EGFR: variants seen among roughly 807,000 people sequenced by gnomAD.
EGFR encodes the protein epidermal growth factor receptor.
A neutral mutation model predicts 143.0 loss-of-function variants in EGFR; 58 were observed. The ratio of observed to expected loss-of-function variants is 0.41; its 90% confidence interval spans 0.33 to 0.50. EGFR has a LOEUF of 0.50. Among genes scored for constraint, EGFR ranks in the 20% least tolerant of loss-of-function variants. EGFR has a pLI of 0.39. For synonymous variants in EGFR, 613 were observed against 594.4 expected (o/e 1.03, Z -0.45); for missense variants, 1,307 against 1,579.0 (o/e 0.83, Z 2.92).
chr7:55,198,595 G>A, intron 22 of EGFR, 122 bp from the exon 23 acceptor site: 1 of 1,493,440 alleles, frequency 6.7e-7, no homozygotes, highest in East Asian at 2.3e-5. Flanking sequence ...AATTGCCCAA[G>A]ACTACAGAAA....
At chr7:55,063,454 AT>A (rs1255682848) in intron 1 of EGFR, among the ~76,000 whole-genome samples, 3 of 152,228 alleles carry the variant, frequency 2.0e-5, no homozygotes, top group Non-Finnish European at 4.4e-5. Context: ...TGTGTTTAAG[AT>A]TAAAAGACCA....
intron 1 of EGFR, among the ~76,000 whole-genome samples, chr7:55,032,818 G>A (rs1397883449): frequency 1.3e-5 from 2 of 152,174 alleles, no homozygotes; most frequent in Admixed American, 6.5e-5. Context: ...TGGAGAAAAT[G>A]TTCAGGAGTT....
chr7:55,052,575 C>T (rs1788550225), intron 1 of EGFR, among the ~76,000 whole-genome samples: 1 of 152,174 alleles, frequency 6.6e-6, no homozygotes, highest in Admixed American at 6.5e-5. Context: ...GCTGCCCTTC[C>T]CAGAAGCCTC....
chr7:55,131,940 A>G (rs1248330596), intron 1 of EGFR, among the ~76,000 whole-genome samples: 10 of 118,890 alleles, frequency 8.4e-5, no homozygotes, highest in African/African-American at 2.1e-4. Context: ...TTGCTTTCAG[A>G]AAAAAAAAAA....
At chr7:55,166,006 C>A (rs1785959831) in intron 15 of EGFR, among the ~76,000 whole-genome samples, 1 of 152,008 alleles carries the variant, frequency 6.6e-6, no homozygotes, top group Non-Finnish European at 1.5e-5. Flanking sequence ...GGTGAAACCC[C>A]ACCTCTACTA....
chr7:55,100,197 C>T (rs1383858330), intron 1 of EGFR, among the ~76,000 whole-genome samples: 5 of 152,204 alleles, frequency 3.3e-5, no homozygotes, highest in African/African-American at 1.2e-4. Context: ...ATGGGCAGAG[C>T]TGGGAGCTCT....
chr7:55,051,797 A>C (rs1788507178), intron 1 of EGFR, among the ~76,000 whole-genome samples: 1 of 152,176 alleles, frequency 6.6e-6, no homozygotes, highest in Non-Finnish European at 1.5e-5. Flanking sequence ...ACTGGCTCAC[A>C]CAGACGCTGA....
chr7:55,057,162 A>C (rs2128877143), intron 1 of EGFR, among the ~76,000 whole-genome samples: 1 of 152,368 alleles, frequency 6.6e-6, no homozygotes, highest in South Asian at 2.1e-4. Context: ...TCAGAAGCTT[A>C]CAGGGAGGCC....
In EGFR at chr7:55,210,821, T is replaced by C. The variant is rs935096867; in HGVS notation, c.*5204T>C. Reference sequence around the variant, plus strand: ...TAATAAAATATAATATTCTTGCTGCTTATGCAGCTGACATTGTTGCCCTCC... The same window carrying C: ...TAATAAAATATAATATTCTTGCTGCCTATGCAGCTGACATTGTTGCCCTCC... On this transcript the variant is annotated 3_prime_UTR_variant, in exon 28 of 28. Transcript: ENST00000275493. 13 of 152,256 alleles carry C rather than the reference T, an allele frequency of 8.5e-5. No individual in the cohort carries two copies. The highest frequency in any genetic ancestry group is 3.1e-4 in the African/African-American group (13 of 41,468). 9.4% of individuals were successfully genotyped at this position (152,256 alleles called of 1,614,324 possible). A position where few individuals can be genotyped will look rare whatever the true frequency, so the allele number is the denominator to read the frequency against.
rs1338191874 is a variant in EGFR, at chr7:55,036,281, G to T, written c.88+16916G>T. On this transcript the variant is annotated intron_variant, in intron 1 of 27. Transcript: ENST00000275493. Reference sequence around the variant, plus strand: ...AAGTTTGTGTGTGTGTGGGGGGGGGGGGGTGGGTGTGTGTGTGTACCACTC... The same window carrying T: ...AAGTTTGTGTGTGTGTGGGGGGGGGTGGGTGGGTGTGTGTGTGTACCACTC... Among the ~76,000 whole-genome samples the T allele has an allele frequency of 1.6e-4, 13 of 81,460 alleles. 1 individual carries two copies. Among genetic ancestry groups the T allele is most frequent in the Admixed American group, 9.1e-4 (6 of 6,566 alleles). The allele number at this position is 81,460 out of a possible 152,430, so 53.4% of individuals were successfully genotyped here.
At chr7:55,089,213 C>T (rs973029811) in intron 1 of EGFR, among the ~76,000 whole-genome samples, 7 of 152,074 alleles carry the variant, frequency 4.6e-5, no homozygotes, top group Non-Finnish European at 8.8e-5. Flanking sequence ...ACGTGTAAGT[C>T]AGCCTATGCA....
At chr7:55,150,647 G>A (rs1295623660) in intron 4 of EGFR, among the ~76,000 whole-genome samples, 1 of 152,060 alleles carries the variant, frequency 6.6e-6, no homozygotes. Context: ...TCTCAATACT[G>A]ATAAAAAGAA....
intron 1 of EGFR, among the ~76,000 whole-genome samples, chr7:55,089,332 C>A (rs2128893982): frequency 6.6e-6 from 1 of 152,328 alleles, no homozygotes; most frequent in Non-Finnish European, 1.5e-5. Flanking sequence ...CTTCTCTGTG[C>A]ACGCAAAGGA....
intron 15 of EGFR, 106 bp from the exon 16 acceptor site, chr7:55,171,067 TAA>T (rs1786327027): frequency 6.5e-7 from 1 of 1,549,964 alleles, no homozygotes; most frequent in Non-Finnish European, 8.7e-7. Flanking sequence ...TTTAATTATT[TAA>T]GAGTAGTTTA....
intron 22 of EGFR, among the ~76,000 whole-genome samples, chr7:55,194,585 A>G (rs895736072): frequency 2.6e-5 from 4 of 152,172 alleles, no homozygotes; most frequent in African/African-American, 9.7e-5. Context: ...GCACCTGGCC[A>G]TGACTGATGG....
intron 1 of EGFR, among the ~76,000 whole-genome samples, chr7:55,065,991 C>T (rs1789475948): frequency 6.6e-6 from 1 of 152,106 alleles, no homozygotes; most frequent in African/African-American, 2.4e-5. Context: ...CAAAGATAAA[C>T]TTTTCCAAAA....
chr7:55,117,773 T>G (rs540171409), intron 1 of EGFR, among the ~76,000 whole-genome samples: 2 of 152,302 alleles, frequency 1.3e-5, no homozygotes, highest in Admixed American at 6.5e-5. Flanking sequence ...GCAGTCATGG[T>G]GAATGACACA....
At chr7:55,166,796 G>A (rs1240437505) in intron 15 of EGFR, among the ~76,000 whole-genome samples, 4 of 136,462 alleles carry the variant, frequency 2.9e-5, no homozygotes, top group African/African-American at 5.7e-5. Flanking sequence ...TGGTGTTGGT[G>A]GTGGTGGTGG....
chr7:55,142,048 G>T (rs562882244), intron 1 of EGFR, among the ~76,000 whole-genome samples: 5 of 152,250 alleles, frequency 3.3e-5, no homozygotes, highest in African/African-American at 9.6e-5. Flanking sequence ...TAAACTTAAA[G>T]ATCTTTTATC....
Sources: allele counts gnomAD v4.1 joint callset (sites outside exome capture counted in the v4.1 genomes callset), GRCh38; gene constraint gnomAD v4.1.1; transcripts MANE v1.5; gene names NCBI Gene and HGNC (gene_info 2026-07-23, HGNC 2026-07-21).